NBEAL1: variants seen among roughly 807,000 people sequenced by gnomAD.
The protein encoded by NBEAL1 is neurobeachin-like protein 1.
A neutral mutation model predicts 351.3 loss-of-function variants in NBEAL1; 273 were observed. The observed-to-expected ratio is 0.78, with a 90% CI of 0.70 to 0.86. The LOEUF (loss-of-function observed/expected upper bound fraction) is 0.86, where lower values mean the gene tolerates loss of function less well. NBEAL1 is among the 40% of genes least tolerant of loss of function. NBEAL1 has a pLI of 0.00. For missense variants in NBEAL1, 2,961 were observed against 3,201.3 expected, an observed-to-expected ratio of 0.92 and a Z score of 1.81; for synonymous variants, 1,050 against 1,086.4, an observed-to-expected ratio of 0.97 and a Z score of 0.66.
At position 203,016,394 on chromosome 2, in the gene NBEAL1, A is replaced by G; in HGVS notation, c.10A>G (p.Arg4Gly). The change falls in exon 2 of 56, where the codon AGA becomes GGA. Residue 4 changes from arginine to glycine, a missense_variant. Arg to Gly is a moderately radical substitution (Grantham distance 125, BLOSUM62 -2). Transcript: ENST00000683969. ...CAGAGTGAAAGCCAGAATGGCATCC[A>G]GAGAGAGGCTCTTTGAACTTTGGAT... MASRERLFELWMLY... is the reference protein window; with the variant it reads MASGERLFELWMLY... The G allele has an allele frequency of 6.7e-7, 1 of 1,492,994 alleles. No individual in the cohort carries two copies. The highest frequency in any genetic ancestry group is 9.0e-7 in the Non-Finnish European group (1 of 1,106,120). The allele number at this position is 1,492,994 out of a possible 1,614,324, so 92.5% of individuals were successfully genotyped here.
intron 36 of NBEAL1, among the ~76,000 whole-genome samples, chr2:203,162,638 G>A (rs2064001524): frequency 6.6e-6 from 1 of 152,064 alleles, no homozygotes; most frequent in South Asian, 2.1e-4. Context: ...CAGCTACTTG[G>A]GAGGCTGAAG....
At chr2:203,154,448 C>T (rs980595993) in intron 35 of NBEAL1, among the ~76,000 whole-genome samples, 7 of 151,968 alleles carry the variant, frequency 4.6e-5, no homozygotes, top group Admixed American at 3.3e-4. Flanking sequence ...TCTATATTTC[C>T]GTTAACTGCC....
chr2:203,079,841 G>C (rs2061841380), intron 8 of NBEAL1, among the ~76,000 whole-genome samples: 1 of 152,140 alleles, frequency 6.6e-6, no homozygotes, highest in South Asian at 2.1e-4. Context: ...TTAATGCTTA[G>C]ATATTTATTT....
intron 4 of NBEAL1, among the ~76,000 whole-genome samples, chr2:203,055,833 A>G (rs1020519364): frequency 2.0e-5 from 3 of 152,194 alleles, no homozygotes; most frequent in African/African-American, 7.2e-5. Context: ...ATTTTAGTTA[A>G]ACACTAAGCA....
chr2:203,051,498 A>T (rs556671857), intron 4 of NBEAL1, among the ~76,000 whole-genome samples: 20 of 151,852 alleles, frequency 1.3e-4, no homozygotes, highest in Middle Eastern at 3.4e-3. Context: ...GTGTGCCGAG[A>T]TCATGCCATT....
chr2:203,204,773 G>A (rs906882403), intron 51 of NBEAL1, among the ~76,000 whole-genome samples: 6 of 151,810 alleles, frequency 4.0e-5, no homozygotes, highest in Non-Finnish European at 8.8e-5. Flanking sequence ...TTTTAGTGGG[G>A]TTTTAAAAAT....
chr2:203,204,742 T>G (rs1374976688), intron 51 of NBEAL1, among the ~76,000 whole-genome samples: 3 of 152,176 alleles, frequency 2.0e-5, no homozygotes, highest in African/African-American at 7.2e-5. Flanking sequence ...TACTTCAAAT[T>G]ATCATGTTTT....
intron 54 of NBEAL1, among the ~76,000 whole-genome samples, chr2:203,211,905 T>C (rs997599006): frequency 6.6e-6 from 1 of 152,154 alleles, no homozygotes; most frequent in Non-Finnish European, 1.5e-5. Flanking sequence ...TTTTCTTTTT[T>C]GAGACCTAGT....
intron 34 of NBEAL1, 43 bp downstream of exon 34, chr2:203,149,191 A>ACTCT (rs2063586492): frequency 6.8e-7 from 1 of 1,464,378 alleles, no homozygotes; most frequent in Non-Finnish European, 9.1e-7. Flanking sequence ...TTTCTTTAGT[A>ACTCT]CTCTGGTCTA....
rs1007310025 is a variant in NBEAL1, at chr2:203,222,355, G to A, written c.*5001G>A. ...GATATTCTTGGTATTAAAAAATTAT[G>A]TCTGAGGATTATTATGTTATATCCT... On this transcript the variant is annotated 3_prime_UTR_variant, in exon 56 of 56. Coordinates refer to ENST00000683969, the MANE Select transcript of NBEAL1 (RefSeq NM_001378026.1). Among the ~76,000 whole-genome samples, 10 of 152,052 alleles carry A rather than the reference G, an allele frequency of 6.6e-5. No individual in the cohort carries two copies. Among genetic ancestry groups the A allele is most frequent in the African/African-American group, 1.9e-4 (8 of 41,388 alleles).
chr2:203,099,629 G>C lies in NBEAL1; in HGVS notation c.1186G>C (p.Val396Leu). ...CTTGTTTCCCCTTCCCCCTCAATAG[G>C]TGTTTCAGGGACAATTGGATTGTTT... ...KLLTEMNEDQ[V>L]FQGQLDCLAI... The change falls in exon 12 of 56, where the codon GTG becomes CTG. Residue 396 changes from valine (V) to leucine (L), a missense_variant and splice_region_variant. By Grantham distance (32) the Val-to-Leu change is conservative. Transcript: ENST00000683969. 4 of 1,537,678 alleles carry C rather than the reference G, an allele frequency of 2.6e-6. No homozygotes were observed. Among genetic ancestry groups the C allele is most frequent in the Non-Finnish European group, 3.5e-6 (4 of 1,139,314 alleles).
intron 10 of NBEAL1, among the ~76,000 whole-genome samples, chr2:203,095,232 G>T (rs1391350923): frequency 6.6e-6 from 1 of 152,198 alleles, no homozygotes; most frequent in Non-Finnish European, 1.5e-5. Context: ...TGGTGTTTTT[G>T]ACTGTTTCTT....
At chr2:203,055,374 A>C (rs1412413432) in intron 4 of NBEAL1, among the ~76,000 whole-genome samples, 4 of 152,110 alleles carry the variant, frequency 2.6e-5, no homozygotes, top group African/African-American at 9.7e-5. Flanking sequence ...AGGCTGAGGC[A>C]GGAGGATTGC....
In NBEAL1 at chr2:203,099,482, A is replaced by G. The variant is rs1559364516; in HGVS notation, c.1186-147A>G. The G allele has an allele frequency of 9.9e-5, 54 of 546,042 alleles. 2 individuals are homozygous for G. The East Asian group carries it at 1.6e-3, about 17-fold the overall frequency. 33.8% of individuals were successfully genotyped at this position (546,042 alleles called of 1,614,324 possible). Reference sequence around the variant, plus strand: ...ATAGGTAACTTTCCTTGCAGGTTATAGTGTTTCAGAAATCCATTTCATCAG... The same window carrying G: ...ATAGGTAACTTTCCTTGCAGGTTATGGTGTTTCAGAAATCCATTTCATCAG... On this transcript the variant is annotated intron_variant, in intron 11 of 55. Coordinates refer to ENST00000683969, the MANE Select transcript of NBEAL1 (RefSeq NM_001378026.1).
At chr2:203,160,761 C>T (rs1199631570) in intron 36 of NBEAL1, among the ~76,000 whole-genome samples, 1 of 152,112 alleles carries the variant, frequency 6.6e-6, no homozygotes, top group East Asian at 1.9e-4. Context: ...CTGTTTTAAC[C>T]GGCTGTGTGT....
chr2:203,170,231 G>T (rs1256682347), intron 39 of NBEAL1, among the ~76,000 whole-genome samples: 1 of 152,118 alleles, frequency 6.6e-6, no homozygotes, highest in Non-Finnish European at 1.5e-5. Context: ...AAGTAGCCAG[G>T]CATGTTGGCG....
At position 203,222,732 on chromosome 2, in the gene NBEAL1, C is replaced by T. The variant is rs903818061; in HGVS notation, c.*5378C>T. On this transcript the variant is annotated 3_prime_UTR_variant, in exon 56 of 56. Coordinates refer to ENST00000683969, the MANE Select transcript of NBEAL1 (RefSeq NM_001378026.1). ...TTAAAGAAGAAAAAAACATGACTAA[C>T]ATGCTAAATTTAAAACATAAAAGTA... 7.9e-5 allele frequency among the ~76,000 whole-genome samples: 12 copies of T among 151,374 alleles called. No homozygotes were observed. Among genetic ancestry groups the T allele is most frequent in the Non-Finnish European group, 1.3e-4 (9 of 67,644 alleles).
chr2:203,018,991 G>GTTGAAAA lies in NBEAL1; in HGVS notation c.51+2558_51+2564dup, dbSNP rs1351648477. ...TTAAAACAAAGTATACATGTATTTT[G>GTTGAAAA]TTGAAAATATCTGCTAAACATTTTC... On this transcript the variant is annotated intron_variant, in intron 2 of 55. Transcript: ENST00000683969. Among the ~76,000 whole-genome samples the GTTGAAAA allele has an allele frequency of 3.5e-4, 53 of 152,194 alleles. 1 individual carries two copies. Among genetic ancestry groups the GTTGAAAA allele is most frequent in the East Asian group, 1.7e-3 (9 of 5,186 alleles).
chr2:203,127,095 T>C (rs6715331), intron 23 of NBEAL1, among the ~76,000 whole-genome samples, 169 bp downstream of exon 23: 139,525 of 152,240 alleles, frequency 0.92, 64,423 homozygotes, highest in Non-Finnish European at 0.97. Context: ...TCGCATACAC[T>C]GAGTTTGAAT....
Sources: allele counts gnomAD v4.1 joint callset (sites outside exome capture counted in the v4.1 genomes callset), GRCh38; gene constraint gnomAD v4.1.1; transcripts MANE v1.5; gene names NCBI Gene and HGNC (gene_info 2026-07-23, HGNC 2026-07-21).